TIAM1: variants seen among roughly 807,000 people sequenced by gnomAD.
TIAM1 encodes the protein rho guanine nucleotide exchange factor TIAM1.
TIAM1 carries 65 observed loss-of-function variants against 163.5 expected under a neutral mutation model. The ratio of observed to expected loss-of-function variants is 0.40; its 90% CI spans 0.33 to 0.49. TIAM1 has a LOEUF of 0.49. Among genes scored for constraint, TIAM1 ranks in the 20% least tolerant of loss-of-function variants. The pLI is 0.77. For synonymous variants in TIAM1, 833 were observed against 810.1 expected (o/e 1.03, Z -0.48); for missense variants, 1,789 against 2,044.7 (o/e 0.87, Z 2.41).
chr21:31,512,871 T>G (rs1045130564), intron 1 of TIAM1, among the ~76,000 whole-genome samples: 1 of 152,096 alleles, frequency 6.6e-6, no homozygotes, highest in African/African-American at 2.4e-5. Flanking sequence ...CTCAGACTCC[T>G]GAGCTCAAGT....
chr21:31,189,024 T>A (rs1338662695), intron 13 of TIAM1, among the ~76,000 whole-genome samples: 3 of 148,814 alleles, frequency 2.0e-5, no homozygotes, highest in Non-Finnish European at 3.0e-5. Context: ...ACACCTCAGG[T>A]ATGATTTGCT....
intron 2 of TIAM1, among the ~76,000 whole-genome samples, chr21:31,433,672 G>A (rs2147284491): frequency 6.6e-6 from 1 of 152,310 alleles, no homozygotes; most frequent in East Asian, 1.9e-4. Context: ...GGTGGTAATT[G>A]ACTTATACTC....
At chr21:31,553,466 G>A (rs1032477280) in intron 1 of TIAM1, among the ~76,000 whole-genome samples, 2 of 152,174 alleles carry the variant, frequency 1.3e-5, no homozygotes, top group Non-Finnish European at 2.9e-5. Flanking sequence ...AGAAGGTCAT[G>A]GCAAGAATAA....
chr21:31,436,244 A>T (rs1223858268), intron 2 of TIAM1, among the ~76,000 whole-genome samples: 1 of 152,198 alleles, frequency 6.6e-6, no homozygotes, highest in Non-Finnish European at 1.5e-5. Context: ...CGTAATATAC[A>T]CGTCATTCAA....
intron 1 of TIAM1, among the ~76,000 whole-genome samples, chr21:31,536,163 C>T (rs186816493): frequency 2.0e-5 from 3 of 152,282 alleles, no homozygotes; most frequent in Admixed American, 6.5e-5. Context: ...CTACAGGAAT[C>T]GGCTCATTCA....
chr21:31,177,440 C>A (rs1601425299), intron 15 of TIAM1, among the ~76,000 whole-genome samples: 1 of 152,292 alleles, frequency 6.6e-6, no homozygotes, highest in East Asian at 1.9e-4. Flanking sequence ...AACCCTGTCT[C>A]TACTAAAAAT....
intron 2 of TIAM1, among the ~76,000 whole-genome samples, chr21:31,389,035 C>T (rs2147191469): frequency 6.6e-6 from 1 of 152,292 alleles, no homozygotes; most frequent in Admixed American, 6.5e-5. Flanking sequence ...CACACGCACT[C>T]AACTCCACCA....
intron 2 of TIAM1, among the ~76,000 whole-genome samples, chr21:31,319,942 C>T (rs1040806938): frequency 1.3e-5 from 2 of 152,002 alleles, no homozygotes; most frequent in Non-Finnish European, 2.9e-5. Flanking sequence ...TATCCAAGTC[C>T]TATGCTTATT....
chr21:31,157,296 G>T (rs1399329780), intron 16 of TIAM1, among the ~76,000 whole-genome samples: 2 of 152,148 alleles, frequency 1.3e-5, no homozygotes, highest in South Asian at 2.1e-4. Context: ...GGTCATAGCG[G>T]TAGTGTGTTA....
intron 2 of TIAM1, among the ~76,000 whole-genome samples, chr21:31,460,936 G>C (rs576684074): frequency 6.6e-6 from 1 of 151,950 alleles, no homozygotes; most frequent in South Asian, 2.1e-4. Flanking sequence ...GAATTCAATA[G>C]CCATCCATTA....
intron 2 of TIAM1, among the ~76,000 whole-genome samples, chr21:31,300,750 G>C (rs2074465581): frequency 6.6e-6 from 1 of 152,198 alleles, no homozygotes; most frequent in East Asian, 1.9e-4. Flanking sequence ...AAAAATGTAA[G>C]GATCTTGGAA....
intron 1 of TIAM1, among the ~76,000 whole-genome samples, chr21:31,510,318 G>A (rs981760782): frequency 1.3e-5 from 2 of 152,170 alleles, no homozygotes; most frequent in Admixed American, 6.5e-5. Context: ...CATCCCTGGT[G>A]CCTCTATGAC....
intron 6 of TIAM1, 64 bp from the exon 7 acceptor site, chr21:31,226,014 G>A (rs1040776832): frequency 5.2e-5 from 76 of 1,460,472 alleles, no homozygotes; most frequent in South Asian, 2.4e-4. Context: ...GAAATGAACC[G>A]GAGCATTTCC....
rs200137644 is a variant in TIAM1 at position 31,423,700 on chromosome 21, TAAAAAAAAAAAAAA to T, written c.-369+40269_-369+40282del. 3.3e-3 allele frequency among the ~76,000 whole-genome samples: 160 copies of T among 48,246 alleles called. 2 individuals carry two copies. Among genetic ancestry groups the T allele is most frequent in the African/African-American group, 0.01 (126 of 12,082 alleles). The allele number at this position is 48,246 out of a possible 152,430, so 31.7% of individuals were successfully genotyped here. On this transcript the variant is annotated intron_variant, in intron 2 of 28. Coordinates refer to the TIAM1 transcript ENST00000286827. ...GATCATTTGGCATCCTAGAAAGTTG[TAAAAAAAAAAAAAA>T]AAAAAAAAAAAAAAACCTTGAAAAC...
intron 2 of TIAM1, among the ~76,000 whole-genome samples, chr21:31,393,237 T>C (rs1452540275): frequency 6.6e-6 from 1 of 152,246 alleles, no homozygotes; most frequent in Non-Finnish European, 1.5e-5. Flanking sequence ...ATTACAGGCA[T>C]GAGTTACTGT....
At chr21:31,393,931 A>C (rs899825783) in intron 2 of TIAM1, among the ~76,000 whole-genome samples, 9 of 152,108 alleles carry the variant, frequency 5.9e-5, no homozygotes, top group African/African-American at 2.2e-4. Context: ...TTTTTTTAAT[A>C]TTTTCCAAAT....
chr21:31,481,008 G>A (rs1294931393), intron 1 of TIAM1, among the ~76,000 whole-genome samples: 1 of 152,144 alleles, frequency 6.6e-6, no homozygotes, highest in Non-Finnish European at 1.5e-5. Flanking sequence ...CACCACTTCA[G>A]GCTCCCAAAG....
intron 26 of TIAM1, among the ~76,000 whole-genome samples, chr21:31,126,449 C>T (rs937680299): frequency 1.1e-4 from 16 of 152,156 alleles, no homozygotes; most frequent in African/African-American, 3.9e-4. Context: ...TGCCTGTAGT[C>T]CCAGCCACTC....
intron 2 of TIAM1, among the ~76,000 whole-genome samples, chr21:31,281,085 C>CAAAAA (rs748020575): frequency 5.2e-4 from 33 of 63,620 alleles, no homozygotes; most frequent in African/African-American, 1.1e-3. Context: ...GACCCTAACT[C>CAAAAA]AAAAAAAAAA....
Sources: allele counts gnomAD v4.1 joint callset (sites outside exome capture counted in the v4.1 genomes callset), GRCh38; gene constraint gnomAD v4.1.1; transcripts MANE v1.5; gene names NCBI Gene and HGNC (gene_info 2026-07-23, HGNC 2026-07-21).